TAOK3: variants seen among roughly 807,000 people sequenced by gnomAD.
TAOK3 encodes TAO kinase 3, also known as serine/threonine-protein kinase TAO3.
TAOK3 carries 40 observed loss-of-function variants against 120.4 expected under a neutral mutation model. That is an observed-to-expected ratio of 0.33 (90% CI 0.26 to 0.43). The LOEUF (loss-of-function observed/expected upper bound fraction) is 0.43, where lower values mean the gene tolerates loss of function less well. TAOK3 is among the 20% of genes least tolerant of loss of function. The probability of loss-of-function intolerance (pLI) is 1.00; values close to 1 mark genes in which losing one functional copy is unlikely to be tolerated. For synonymous variants in TAOK3, 355 were observed against 387.5 expected (o/e 0.92, Z 0.99); for missense variants, 821 against 1,112.1 (o/e 0.74, Z 3.72).
rs992985303 is a variant in TAOK3 at position 118,372,179 on chromosome 12, G to T, written c.-194+469C>A. On this transcript the variant is annotated intron_variant, in intron 1 of 20. Coordinates refer to ENST00000392533, the MANE Select transcript of TAOK3 (RefSeq NM_016281.4). This position sits in a 1 kb window ranked among gnomAD's most constrained non-coding sequence, Gnocchi z 4.6. ...TCACCTCGGGGTCTCCTCTCCCCGG[G>T]TGCTGTCCCAGCCCCTCTCGGGGTC... Among the ~76,000 whole-genome samples, 2 of 139,188 alleles carry T rather than the reference G, an allele frequency of 1.4e-5. No individual in the cohort carries two copies. Among genetic ancestry groups the T allele is most frequent in the African/African-American group, 5.4e-5 (2 of 36,838 alleles). 91.3% of individuals were successfully genotyped at this position (139,188 alleles called of 152,430 possible). A position where few individuals can be genotyped will look rare whatever the true frequency, so the allele number is the denominator to read the frequency against.
intron 13 of TAOK3, among the ~76,000 whole-genome samples, chr12:118,195,177 C>T (rs1022249815): frequency 4.6e-5 from 7 of 151,902 alleles, no homozygotes; most frequent in East Asian, 1.9e-4. Context: ...TTATGACTGG[C>T]GTTCAATAAG....
intron 1 of TAOK3, among the ~76,000 whole-genome samples, chr12:118,340,088 C>T (rs1270325760): frequency 6.6e-6 from 1 of 152,144 alleles, no homozygotes; most frequent in Non-Finnish European, 1.5e-5. Context: ...GATACAGCTT[C>T]AGTAACTAAG....
At chr12:118,184,919 C>T (rs945744250) in intron 14 of TAOK3, among the ~76,000 whole-genome samples, 4 of 152,132 alleles carry the variant, frequency 2.6e-5, no homozygotes, top group South Asian at 4.1e-4. Flanking sequence ...TCCTCAGGGT[C>T]AGAGGACTTT....
rs59036425 is a variant in TAOK3 at position 118,205,772 on chromosome 12, A to C, written c.820-4309T>G. Among the ~76,000 whole-genome samples, 984 of 152,136 alleles carry C rather than the reference A, an allele frequency of 6.5e-3. 13 individuals carry two copies. Among genetic ancestry groups the C allele is most frequent in the African/African-American group, 0.022 (931 of 41,516 alleles). ...ATTACAGGCGTGCACCATTACGCCC[A>C]ACTACTTTTTGTATTTTTAGTAGAG... On this transcript the variant is annotated intron_variant, in intron 11 of 20. Coordinates refer to ENST00000392533, the MANE Select transcript of TAOK3 (RefSeq NM_016281.4).
At chr12:118,312,406 T>C (rs1010822588) in intron 1 of TAOK3, among the ~76,000 whole-genome samples, 1 of 152,136 alleles carries the variant, frequency 6.6e-6, no homozygotes, top group African/African-American at 2.4e-5. Flanking sequence ...AATGCTAAGA[T>C]TTTAGATAAT....
At chr12:118,294,345 C>G (rs2042594051) in intron 1 of TAOK3, among the ~76,000 whole-genome samples, 2 of 152,078 alleles carry the variant, frequency 1.3e-5, no homozygotes, top group South Asian at 4.2e-4. Context: ...CTCTCTTTCA[C>G]TATAGATTAG....
intron 17 of TAOK3, among the ~76,000 whole-genome samples, chr12:118,169,323 C>CT (rs1184999206): frequency 1.9e-5 from 2 of 104,980 alleles, no homozygotes; most frequent in East Asian, 3.0e-4. Context: ...CCCACCCCCC[C>CT]CCCTTTTTTT....
intron 17 of TAOK3, among the ~76,000 whole-genome samples, chr12:118,167,061 C>T (rs1004694807): frequency 1.3e-5 from 2 of 152,110 alleles, no homozygotes; most frequent in Non-Finnish European, 2.9e-5. Flanking sequence ...AGAATTCTAA[C>T]TTTTAAATAG....
At position 118,151,289 on chromosome 12, in the gene TAOK3, G is replaced by GCACACACACACA. The variant is rs773751889; in HGVS notation, c.2536-143_2536-132dup. The GCACACACACACA allele has an allele frequency of 4.1e-3, 1,048 of 252,766 alleles. 11 individuals carry two copies. Among genetic ancestry groups the GCACACACACACA allele is most frequent in the African/African-American group, 0.022 (605 of 28,052 alleles). The allele number at this position is 252,766 out of a possible 1,614,324, so 15.7% of individuals were successfully genotyped here. On this transcript the variant is annotated intron_variant, in intron 20 of 20. Coordinates refer to ENST00000392533, the MANE Select transcript of TAOK3 (RefSeq NM_016281.4). ...GCACACACATGAAGTGCGCGCGCGC[G>GCACACACACACA]CACACACACACACACACACACACAC...
At chr12:118,336,237 T>C (rs1159364290) in intron 1 of TAOK3, among the ~76,000 whole-genome samples, 1 of 152,110 alleles carries the variant, frequency 6.6e-6, no homozygotes, top group Non-Finnish European at 1.5e-5. Flanking sequence ...GGTAGAGAGA[T>C]AAAAATATAG....
intron 1 of TAOK3, among the ~76,000 whole-genome samples, chr12:118,351,865 T>TTTTTAAGTTC (rs1491537213): frequency 2.6e-4 from 11 of 42,950 alleles, no homozygotes; most frequent in Non-Finnish European, 3.2e-4. Flanking sequence ...TCTATAGTTC[T>TTTTTAAGTTC]TTTTTTTTTT....
At chr12:118,263,506 T>TA (rs1475550747) in intron 2 of TAOK3, among the ~76,000 whole-genome samples, 2 of 152,200 alleles carry the variant, frequency 1.3e-5, no homozygotes, top group African/African-American at 4.8e-5. Context: ...TCGTCAGGAT[T>TA]AAAAATGTCT....
chr12:118,226,835 G>T (rs1205570389), intron 9 of TAOK3, among the ~76,000 whole-genome samples: 1 of 152,132 alleles, frequency 6.6e-6, no homozygotes, highest in Non-Finnish European at 1.5e-5. Context: ...AAATCAGAAA[G>T]CACATATAAG....
chr12:118,186,954 C>T (rs2037113884), intron 14 of TAOK3, among the ~76,000 whole-genome samples: 2 of 152,108 alleles, frequency 1.3e-5, no homozygotes, highest in Non-Finnish European at 2.9e-5. Context: ...TAACCTCATT[C>T]AAAAGCACAA....
intron 1 of TAOK3, among the ~76,000 whole-genome samples, chr12:118,339,444 T>C (rs2044517679): frequency 6.6e-6 from 1 of 151,982 alleles, no homozygotes; most frequent in South Asian, 2.1e-4. Flanking sequence ...ATACACTGCG[T>C]TAATGGAAGT....
intron 3 of TAOK3, among the ~76,000 whole-genome samples, chr12:118,253,224 A>G (rs916454502): frequency 6.6e-6 from 1 of 152,208 alleles, no homozygotes; most frequent in Admixed American, 6.5e-5. Context: ...CAAAGTAAAG[A>G]TGCAATTCAT....
chr12:118,260,278 C>T (rs1593328805), intron 2 of TAOK3, among the ~76,000 whole-genome samples: 1 of 152,100 alleles, frequency 6.6e-6, no homozygotes, highest in Non-Finnish European at 1.5e-5. Flanking sequence ...ACAGGCATGA[C>T]CAACTGTGCC....
intron 11 of TAOK3, among the ~76,000 whole-genome samples, chr12:118,206,740 G>A (rs955055732): frequency 6.6e-5 from 10 of 151,966 alleles, no homozygotes; most frequent in African/African-American, 2.4e-4. Context: ...GGGATTACAG[G>A]CATGCACCAC....
At chr12:118,244,212 C>T (rs1387929182) in intron 4 of TAOK3, among the ~76,000 whole-genome samples, 1 of 152,126 alleles carries the variant, frequency 6.6e-6, no homozygotes, top group Admixed American at 6.6e-5. Context: ...CAGGCACACA[C>T]CACCACACCC....
Sources: gnomAD v4.1 joint callset for allele counts (sites outside exome capture counted in the v4.1 genomes callset) on GRCh38, gnomAD v4.1.1 for gene constraint, Gnocchi (gnomAD v3.1) non-coding constraint, MANE v1.5 for transcripts, NCBI Gene and HGNC (gene_info 2026-07-23, HGNC 2026-07-21) for gene names.